VPS13C: variants seen among roughly 807,000 people sequenced by gnomAD.
VPS13C encodes the protein vacuolar protein sorting 13 homolog C.
A neutral mutation model predicts 456.8 loss-of-function variants in VPS13C; 358 were observed. The observed-to-expected ratio is 0.78, with a 90% confidence interval of 0.72 to 0.86. The LOEUF is 0.86. VPS13C is among the 40% of genes least tolerant of loss of function. The pLI is 0.00. For missense variants in VPS13C, 4,818 were observed against 4,385.4 expected, an observed-to-expected ratio of 1.10 and a Z score of -2.79; for synonymous variants, 1,578 against 1,486.7, an observed-to-expected ratio of 1.06 and a Z score of -1.41.
chr15:61,907,731 C>T (rs1156932450), intron 65 of VPS13C, among the ~76,000 whole-genome samples: 1 of 152,134 alleles, frequency 6.6e-6, no homozygotes, highest in Admixed American at 6.5e-5. Context: ...AGAAGAACTT[C>T]TATTCAGTGC....
At chr15:61,993,288 G>A (rs1172496770) in intron 16 of VPS13C, among the ~76,000 whole-genome samples, 1 of 151,722 alleles carries the variant, frequency 6.6e-6, no homozygotes, top group Non-Finnish European at 1.5e-5. Flanking sequence ...GCACTAAATT[G>A]TATTTTTTCA....
chr15:61,872,428 T>G (rs1248907149), intron 78 of VPS13C, among the ~76,000 whole-genome samples: 2 of 152,070 alleles, frequency 1.3e-5, no homozygotes, highest in Non-Finnish European at 2.9e-5. Flanking sequence ...TTAAGGGGAT[T>G]ACATTGTAAC....
At chr15:61,987,989 C>G (rs2046109004) in intron 18 of VPS13C, among the ~76,000 whole-genome samples, 1 of 151,716 alleles carries the variant, frequency 6.6e-6, no homozygotes, top group Non-Finnish European at 1.5e-5. Flanking sequence ...AAATATATAT[C>G]AACAGGAAAT....
rs778347062 is a variant in VPS13C, at chr15:61,922,660, G to A, written c.6712C>T (p.Leu2238Phe). Residue 2238 changes from leucine (L) to phenylalanine (F), a missense_variant, in exon 54 of 85, where the codon CTT (leucine) becomes TTT (phenylalanine). This residue lies in a region of VPS13C where 4,552 missense variants were observed against 4,130.6 expected (regional missense o/e 1.10). Coordinates refer to ENST00000644861, the MANE Select transcript of VPS13C (RefSeq NM_020821.3). ...SKDTSKEMENLWGIKSINDYN... is the reference protein window; with the variant it reads ...SKDTSKEMENFWGIKSINDYN... ...TCATTAATCGATTTGATACCCCAAAGATTTTCCATTTCCTTAGACGTATCT... is the reference window on the plus strand; with the variant it reads ...TCATTAATCGATTTGATACCCCAAAAATTTTCCATTTCCTTAGACGTATCT... 5.0e-6 allele frequency: 8 copies of A among 1,613,788 alleles called. No homozygotes were observed. Among genetic ancestry groups the A allele is most frequent in the Non-Finnish European group, 6.8e-6 (8 of 1,179,928 alleles).
Position 61,854,460 on chromosome 15 carries a change from A to G in VPS13C, c.11259T>C (p.Ser3753=). 1 of 1,614,116 alleles carries G rather than the reference A, an allele frequency of 6.2e-7. No homozygotes were observed. The highest frequency in any genetic ancestry group is 8.5e-7 in the Non-Finnish European group (1 of 1,179,940). Residue 3753 remains serine (S), a synonymous_variant, in exon 85 of 85, where the codon TCT becomes TCC. Transcript: ENST00000644861. The stretch of plus-strand genomic sequence containing the variant: ...TTGGAGCCCCTGAGGTCTGTGATTA[A>G]GATGGCAATTGGGGTCTGAGAAGTC... ...SVRLLRPQLP[S] is the part of the protein sequence containing the mutation.
chr15:61,964,303 A>G (rs1199103887), intron 31 of VPS13C, among the ~76,000 whole-genome samples: 2 of 152,030 alleles, frequency 1.3e-5, no homozygotes, highest in African/African-American at 4.8e-5. Flanking sequence ...CTCTTGGCCA[A>G]TTAGATGCTA....
chr15:61,945,559 T>C (rs1160301120), intron 45 of VPS13C, among the ~76,000 whole-genome samples, 156 bp downstream of exon 45: 1 of 152,206 alleles, frequency 6.6e-6, no homozygotes, highest in Non-Finnish European at 1.5e-5. Flanking sequence ...TTGGTTAACA[T>C]CATGAAAAGG....
intron 66 of VPS13C, among the ~76,000 whole-genome samples, chr15:61,904,748 G>A (rs1051442991): frequency 2.0e-5 from 3 of 152,066 alleles, no homozygotes; most frequent in African/African-American, 7.2e-5. Flanking sequence ...ATCAATAGAT[G>A]AATGGATAAA....
rs201139231 is a variant in VPS13C at position 61,963,820 on chromosome 15, C to T, written c.3331+15G>A. 2.0e-5 allele frequency: 32 copies of T among 1,563,422 alleles called. No individual in the cohort carries two copies. In the East Asian group the frequency reaches 3.4e-4, roughly 17 times the overall value. ...TTATCTTTTCGCCAATTTTCAATGC[C>T]GTGTGAACTTTTACCTTGAATCTTG... On this transcript the variant is annotated intron_variant, in intron 32 of 84. Coordinates refer to ENST00000644861, the MANE Select transcript of VPS13C (RefSeq NM_020821.3).
rs191484472 is a variant in VPS13C, at chr15:61,858,245, T to C, written c.10953-1836A>G. Among the ~76,000 whole-genome samples the C allele has an allele frequency of 8.5e-5, 13 of 152,284 alleles. No homozygotes were observed. Among genetic ancestry groups the C allele is most frequent in the East Asian group, 7.7e-4 (4 of 5,186 alleles). ...CACCATGTTTACCAGGGTTCAAATC[T>C]TGGTCTTCTACTCACACACTCCCTC... On this transcript the variant is annotated intron_variant, in intron 82 of 84. Coordinates refer to ENST00000644861, the MANE Select transcript of VPS13C (RefSeq NM_020821.3). The surrounding 1 kb of genome is among the most constrained non-coding windows in gnomAD (Gnocchi z 4.4).
At chr15:62,049,611 T>G (rs1258846692) in intron 1 of VPS13C, among the ~76,000 whole-genome samples, 3 of 152,208 alleles carry the variant, frequency 2.0e-5, no homozygotes, top group South Asian at 2.1e-4. Flanking sequence ...CATATGAACT[T>G]TAAAGTAGTT....
At chr15:61,855,272 TC>T (rs1893843316) in intron 83 of VPS13C, among the ~76,000 whole-genome samples, 2 of 152,168 alleles carry the variant, frequency 1.3e-5, no homozygotes, top group Admixed American at 1.3e-4. Flanking sequence ...AACCCTTCCT[TC>T]ATTTCTTTGG....
intron 1 of VPS13C, among the ~76,000 whole-genome samples, chr15:62,058,436 T>A (rs775356706): frequency 2.0e-5 from 3 of 151,868 alleles, no homozygotes; most frequent in Non-Finnish European, 4.4e-5. Flanking sequence ...CTGAACTAAC[T>A]GCAGACCAAA....
At position 62,014,837 on chromosome 15, in the gene VPS13C, G is replaced by A. The variant is rs570935693; in HGVS notation, c.685-845C>T. Among the ~76,000 whole-genome samples the A allele has an allele frequency of 1.8e-4, 28 of 152,126 alleles. No homozygotes were observed. In the South Asian group the frequency reaches 4.4e-3, roughly 24 times the overall value. The stretch of plus-strand genomic sequence containing the variant: ...GGTCTTTGACAAAATACAATAGGAA[G>A]CATAAAAGAGGGAATGGTAAATTCT... On this transcript the variant is annotated intron_variant, in intron 9 of 84. Coordinates refer to ENST00000644861, the MANE Select transcript of VPS13C (RefSeq NM_020821.3).
At chr15:61,910,337 G>T in intron 63 of VPS13C, 32 bp from the exon 64 acceptor site, 1 of 1,411,940 alleles carries the variant, frequency 7.1e-7, no homozygotes, top group South Asian at 1.7e-5. Flanking sequence ...TCAGTCTTAA[G>T]ACAATACCGT....
chr15:61,924,535 T>A (rs1382418494), intron 53 of VPS13C, among the ~76,000 whole-genome samples: 1 of 152,236 alleles, frequency 6.6e-6, no homozygotes, highest in African/African-American at 2.4e-5. Flanking sequence ...ATCATAAATT[T>A]ATACACAAAG....
At chr15:61,967,289 T>C in intron 29 of VPS13C, 79 bp downstream of exon 29, 1 of 1,219,682 alleles carries the variant, frequency 8.2e-7, no homozygotes, top group Non-Finnish European at 1.2e-6. Context: ...GAGCCATTAG[T>C]AACTTACTGT....
chr15:61,915,585 A>G, intron 61 of VPS13C, 48 bp downstream of exon 61: 1 of 1,506,682 alleles, frequency 6.6e-7, no homozygotes, highest in South Asian at 1.4e-5. Flanking sequence ...CCAAGTTTCT[A>G]GATTAGGAAT....
At chr15:62,026,853 T>C (rs760803612) in intron 6 of VPS13C, among the ~76,000 whole-genome samples, 4 of 152,132 alleles carry the variant, frequency 2.6e-5, no homozygotes, top group Non-Finnish European at 5.9e-5. Flanking sequence ...TGTTTCATTT[T>C]GCTTACTGTG....
Sources: allele counts gnomAD v4.1 joint callset (sites outside exome capture counted in the v4.1 genomes callset), GRCh38; gene constraint gnomAD v4.1.1; regional missense constraint gnomAD v4.1.1; non-coding constraint Gnocchi (gnomAD v3.1); transcripts MANE v1.5; gene names NCBI Gene and HGNC (gene_info 2026-07-23, HGNC 2026-07-21).